TMEM132B: variants seen among roughly 807,000 people sequenced by gnomAD.
TMEM132B encodes the protein transmembrane protein 132B.
In TMEM132B, 18 loss-of-function variants were observed where a neutral mutation model predicts 90.8. The ratio of observed to expected loss-of-function variants is 0.20; its 90% CI spans 0.14 to 0.29. The LOEUF is 0.29. Among genes scored for constraint, TMEM132B ranks in the 10% least tolerant of loss-of-function variants. The probability of loss-of-function intolerance (pLI) is 1.00; values close to 1 mark genes in which losing one functional copy is unlikely to be tolerated. For missense variants in TMEM132B, 1,096 were observed against 1,326.8 expected (o/e 0.83, Z 2.70); for synonymous variants, 504 against 523.3 (o/e 0.96, Z 0.50).
At chr12:125,578,542 A>G (rs1417139610) in intron 4 of TMEM132B, among the ~76,000 whole-genome samples, 1 of 152,056 alleles carries the variant, frequency 6.6e-6, no homozygotes, top group African/African-American at 2.4e-5. Flanking sequence ...GGTGCTCTCT[A>G]TACCTTCATG....
chr12:125,648,546 C>CTGT (rs1359975471), intron 6 of TMEM132B, among the ~76,000 whole-genome samples: 1,328 of 85,256 alleles, frequency 0.016, 21 homozygotes, highest in African/African-American at 0.051. Flanking sequence ...TTTTTTTTTT[C>CTGT]TGTTGTTGTT....
At chr12:125,387,351 C>G (rs1434660886) in intron 2 of TMEM132B, among the ~76,000 whole-genome samples, 1 of 152,176 alleles carries the variant, frequency 6.6e-6, no homozygotes, top group Non-Finnish European at 1.5e-5. Context: ...TGTTTGTCCT[C>G]TGGTTGTTTA....
At chr12:125,480,593 G>C (rs899302775) in intron 3 of TMEM132B, among the ~76,000 whole-genome samples, 2 of 152,130 alleles carry the variant, frequency 1.3e-5, no homozygotes, top group Non-Finnish European at 2.9e-5. Flanking sequence ...CCAATAACAG[G>C]CTCTGAAATT....
chr12:125,619,494 A>G (rs1886070461), intron 5 of TMEM132B, among the ~76,000 whole-genome samples: 1 of 152,032 alleles, frequency 6.6e-6, no homozygotes, highest in Non-Finnish European at 1.5e-5. Flanking sequence ...TCTCCCAAGT[A>G]ACAGGGATTA....
At chr12:125,320,970 CT>C in intron 1 of TMEM132B, among the ~76,000 whole-genome samples, 1 of 152,334 alleles carries the variant, frequency 6.6e-6, no homozygotes, top group South Asian at 2.1e-4. Context: ...ATTTGTTCCA[CT>C]TAAGAGGAAG....
At chr12:125,594,467 A>G (rs1885392280) in intron 5 of TMEM132B, among the ~76,000 whole-genome samples, 1 of 152,226 alleles carries the variant, frequency 6.6e-6, no homozygotes, top group Non-Finnish European at 1.5e-5. Flanking sequence ...ACTGTTTTCT[A>G]AAGTGGTTAC....
intron 3 of TMEM132B, among the ~76,000 whole-genome samples, chr12:125,432,393 ATATATG>A (rs1566034676): frequency 3.8e-4 from 33 of 87,524 alleles, no homozygotes; most frequent in Non-Finnish European, 5.1e-4. Context: ...ATATATATAT[ATATATG>A]TATGTATGTG....
intron 1 of TMEM132B, among the ~76,000 whole-genome samples, chr12:125,339,393 AT>A (rs1216636475): frequency 1.2e-4 from 18 of 152,016 alleles, no homozygotes; most frequent in Admixed American, 9.8e-4. Flanking sequence ...TAATTTCCTC[AT>A]CTTATGAGGA....
chr12:125,257,458 T>G (rs1177418700), intron 1 of TMEM132B, among the ~76,000 whole-genome samples: 1 of 152,212 alleles, frequency 6.6e-6, no homozygotes, highest in Admixed American at 6.5e-5. Flanking sequence ...TGGTTCTGGC[T>G]TCTGTCACCA....
chr12:125,262,331 G>T (rs1337904363), intron 1 of TMEM132B, among the ~76,000 whole-genome samples: 2 of 151,284 alleles, frequency 1.3e-5, no homozygotes. Context: ...TCCAAAGACT[G>T]AATCTGACCA....
rs151125479 is a variant in TMEM132B, at chr12:125,525,968, G to T, written c.1293+6343G>T. Among the ~76,000 whole-genome samples, 435 of 152,292 alleles carry T rather than the reference G, an allele frequency of 2.9e-3. 7 individuals are homozygous for T. Among genetic ancestry groups the T allele is most frequent in the Non-Finnish European group, 2.4e-3 (162 of 68,012 alleles). ...GGGTCTGGAGAAATAATAACTTGTC[G>T]TTAAAAAGGATTGAAGCACAGGGCT... On this transcript the variant is annotated intron_variant, in intron 4 of 8. Transcript: ENST00000682704.
chr12:125,405,794 G>A (rs1242179699), intron 2 of TMEM132B, among the ~76,000 whole-genome samples: 1 of 152,198 alleles, frequency 6.6e-6, no homozygotes, highest in Non-Finnish European at 1.5e-5. Context: ...TACAGGTAAA[G>A]CACGAGAAAA....
At chr12:125,338,535 G>T (rs1877054683) in intron 1 of TMEM132B, among the ~76,000 whole-genome samples, 1 of 152,204 alleles carries the variant, frequency 6.6e-6, no homozygotes, top group Non-Finnish European at 1.5e-5. Flanking sequence ...CCTGGAGTGG[G>T]TGTCTCATCT....
intron 1 of TMEM132B, among the ~76,000 whole-genome samples, chr12:125,268,745 A>G (rs1319748528): frequency 6.6e-6 from 1 of 152,218 alleles, no homozygotes; most frequent in African/African-American, 2.4e-5. Context: ...AGAATCGTGT[A>G]TCTTTTGAAG....
intron 1 of TMEM132B, among the ~76,000 whole-genome samples, chr12:125,336,852 C>T (rs1451591768): frequency 6.6e-6 from 1 of 152,240 alleles, no homozygotes; most frequent in African/African-American, 2.4e-5. Context: ...AGCTGCTTCC[C>T]AATCACACAG....
chr12:125,358,715 C>T (rs1404963692), intron 2 of TMEM132B, among the ~76,000 whole-genome samples: 1 of 152,182 alleles, frequency 6.6e-6, no homozygotes. Context: ...GATGTGTCTT[C>T]TCAGCAGTGA....
At chr12:125,539,898 AT>A (rs1214599696) in intron 4 of TMEM132B, among the ~76,000 whole-genome samples, 4 of 151,702 alleles carry the variant, frequency 2.6e-5, no homozygotes, top group Admixed American at 2.6e-4. Flanking sequence ...TTTGGTTTTA[AT>A]TTTCTCTTTT....
chr12:125,465,370 A>G, intron 3 of TMEM132B, among the ~76,000 whole-genome samples: 1 of 152,218 alleles, frequency 6.6e-6, no homozygotes, highest in East Asian at 1.9e-4. Flanking sequence ...GAGATTGATA[A>G]GGAGAACAAG....
intron 4 of TMEM132B, among the ~76,000 whole-genome samples, chr12:125,581,239 C>G (rs1885046511): frequency 6.6e-6 from 1 of 152,112 alleles, no homozygotes; most frequent in South Asian, 2.1e-4. Context: ...GATGTTTAAC[C>G]TTTTCTCTTT....
Sources: allele counts gnomAD v4.1 joint callset (sites outside exome capture counted in the v4.1 genomes callset), GRCh38; gene constraint gnomAD v4.1.1; transcripts MANE v1.5; gene names NCBI Gene and HGNC (gene_info 2026-07-23, HGNC 2026-07-21).